Variants in OR11G2 observed in about 807,000 individuals in gnomAD.
OR11G2 encodes olfactory receptor 11G2.
Under a neutral mutation model 0.9 loss-of-function variants are expected in OR11G2, and 2 were observed. The observed-to-expected ratio is 2.35, with a 90% CI of 0.96 to 7.38. OR11G2 has a LOEUF of 7.38. OR11G2 is among the 30% of genes most tolerant of loss of function. OR11G2 has a pLI of 0.05. For missense variants in OR11G2, 395 were observed against 371.3 expected (o/e 1.06, Z -0.52); for synonymous variants, 153 against 142.0 (o/e 1.08, Z -0.55).
intron 1 of OR11G2, among the ~76,000 whole-genome samples, chr14:20,191,889 G>A (rs1200129940): frequency 2.1e-5 from 2 of 96,124 alleles, no homozygotes; most frequent in South Asian, 3.9e-4. Context: ...TACCCAACTG[G>A]CATTTTTTTT....
Position 20,197,405 on chromosome 14 carries a change from G to A in OR11G2, c.-4-29G>A, listed in dbSNP as rs1156764016. On this transcript the variant is annotated intron_variant, in intron 1 of 1. Transcript: ENST00000641879. ...CCATCTATGTTTGCACCGTCATTCA[G>A]TAATTGCTGGTGCTTTTACAATTCA... 2.0e-5 allele frequency: 32 copies of A among 1,611,688 alleles called. 1 individual carries two copies. In the East Asian group the frequency reaches 7.1e-4, roughly 36 times the overall value.
intron 1 of OR11G2, among the ~76,000 whole-genome samples, chr14:20,193,223 A>C (rs906164985): frequency 1.3e-5 from 2 of 152,154 alleles, no homozygotes; most frequent in African/African-American, 4.8e-5. Flanking sequence ...GTTCAGGCAA[A>C]TTCTTGTGCC....
chr14:20,192,581 G>A (rs117334896), intron 1 of OR11G2, among the ~76,000 whole-genome samples: 2,799 of 152,240 alleles, frequency 0.018, 28 homozygotes, highest in Middle Eastern at 0.027. Context: ...TCAAGTCTAG[G>A]ACAACACTCT....
rs1248948802 is a variant in OR11G2, at chr14:20,200,916, T to G, written c.*2543T>G. ...AATAGCAGAGTGTATTGTAGCTGCC[T>G]TCCATGGAAATGTGTATATCTCCTG... On this transcript the variant is annotated 3_prime_UTR_variant, in exon 2 of 2. Coordinates refer to ENST00000641879, the MANE Select transcript of OR11G2 (RefSeq NM_001386033.1). 1 of 152,196 alleles carries G rather than the reference T, an allele frequency of 6.6e-6. No individual in the cohort carries two copies. The highest frequency in any genetic ancestry group is 1.5e-5 in the Non-Finnish European group (1 of 68,036). 9.4% of individuals were successfully genotyped at this position (152,196 alleles called of 1,614,324 possible).
intron 1 of OR11G2, 55 bp from the exon 2 acceptor site, chr14:20,197,379 C>T (rs148846869): frequency 0.04 from 63,638 of 1,587,094 alleles, 1,542 homozygotes; most frequent in South Asian, 0.049. Context: ...AATCTGATTC[C>T]CCATCTATGT....
chr14:20,198,510 C>CCT lies in OR11G2; in HGVS notation c.*137_*138insCT. 1.6e-6 allele frequency: 1 copy of CCT among 617,206 alleles called. No individual in the cohort carries two copies. Among genetic ancestry groups the CCT allele is most frequent in the Non-Finnish European group, 2.8e-6 (1 of 353,748 alleles). 38.2% of individuals were successfully genotyped at this position (617,206 alleles called of 1,614,324 possible). A position where few individuals can be genotyped will look rare whatever the true frequency, so the allele number is the denominator to read the frequency against. ...TTGGGAGCCCGAGGCGGGTGGATCACGAGGTCAGGAGATCAAGACCACCCT... is the reference window on the plus strand; with the variant it reads ...TTGGGAGCCCGAGGCGGGTGGATCACCTGAGGTCAGGAGATCAAGACCACCCT... On this transcript the variant is annotated 3_prime_UTR_variant, in exon 2 of 2. Transcript: ENST00000641879.
rs2139115218 is a variant in OR11G2 at position 20,198,145 on chromosome 14, TG to T, written c.711del (p.Arg238GlufsTer41). The T allele has an allele frequency of 6.2e-7, 1 of 1,614,176 alleles. No homozygotes were observed. Among genetic ancestry groups the T allele is most frequent in the South Asian group, 1.1e-5 (1 of 91,080 alleles). On this transcript the variant is annotated frameshift_variant, in exon 2 of 2. Transcript: ENST00000641879. LOFTEE classifies it high-confidence loss of function. ...CTGTGTTGAGGGTCCCTTCAGCAGC[TG>T]GGAGAAGAAAGGCTTTCTCCACCTG... ...RAVLRVPSAA[G>X]RRKAFSTCGS...
chr14:20,197,095 C>A (rs1235406948), intron 1 of OR11G2, among the ~76,000 whole-genome samples: 1 of 152,146 alleles, frequency 6.6e-6, no homozygotes, highest in Non-Finnish European at 1.5e-5. Context: ...TATATTTATA[C>A]AAAGGCTCTT....
chr14:20,193,886 G>A (rs1021109184), intron 1 of OR11G2, among the ~76,000 whole-genome samples: 15 of 152,176 alleles, frequency 9.9e-5, no homozygotes, highest in South Asian at 2.1e-4. Flanking sequence ...TAGTCCAAAC[G>A]TGCACACCCC....
rs2139114937 is a variant in OR11G2, at chr14:20,198,089, A to G, written c.652A>G (p.Ile218Val). 1 of 1,613,772 alleles carries G rather than the reference A, an allele frequency of 6.2e-7. No individual in the cohort carries two copies. The highest frequency in any genetic ancestry group is 8.5e-7 in the Non-Finnish European group (1 of 1,179,956). The change falls in exon 2 of 2, where the codon ATT becomes GTT. Residue 218 changes from isoleucine (I) to valine (V), a missense_variant. Coordinates refer to ENST00000641879, the MANE Select transcript of OR11G2 (RefSeq NM_001386033.1). Reference sequence around the variant, plus strand: ...GCCTGTCTTTATGCTCTTTCTCTTCATTGTGGGGTCCTATGCTCTGGTCGT... The same window carrying G: ...GCCTGTCTTTATGCTCTTTCTCTTCGTTGTGGGGTCCTATGCTCTGGTCGT... ...PLPVFMLFLFIVGSYALVVRA... is the reference protein window; with the variant it reads ...PLPVFMLFLFVVGSYALVVRA...
chr14:20,198,115 G>C lies in OR11G2; in HGVS notation c.678G>C (p.Val226=), dbSNP rs2139115065. 1 of 1,614,126 alleles carries C rather than the reference G, an allele frequency of 6.2e-7. No homozygotes were observed. The highest frequency in any genetic ancestry group is 8.5e-7 in the Non-Finnish European group (1 of 1,180,036). ...LFIVGSYALV[V]RAVLRVPSAA... ...TTGTGGGGTCCTATGCTCTGGTCGTGAGAGCTGTGTTGAGGGTCCCTTCAG... is the reference window on the plus strand; with the variant it reads ...TTGTGGGGTCCTATGCTCTGGTCGTCAGAGCTGTGTTGAGGGTCCCTTCAG... The change falls in exon 2 of 2, where the codon GTG becomes GTC. Residue 226 remains valine, a synonymous_variant. Coordinates refer to ENST00000641879, the MANE Select transcript of OR11G2 (RefSeq NM_001386033.1).
Position 20,201,022 on chromosome 14 carries a change from A to C in OR11G2, c.*2649A>C, listed in dbSNP as rs898810068. Reference sequence around the variant, plus strand: ...TCTAAGGAACAAGATAGTAAAGGAGACTTTTTTTTCATAACTCCTTTTGTG... The same window carrying C: ...TCTAAGGAACAAGATAGTAAAGGAGCCTTTTTTTTCATAACTCCTTTTGTG... On this transcript the variant is annotated 3_prime_UTR_variant, in exon 2 of 2. Coordinates refer to ENST00000641879, the MANE Select transcript of OR11G2 (RefSeq NM_001386033.1). 3.3e-5 allele frequency: 5 copies of C among 151,828 alleles called. No individual in the cohort carries two copies. Among genetic ancestry groups the C allele is most frequent in the Admixed American group, 1.3e-4 (2 of 15,236 alleles). 9.4% of individuals were successfully genotyped at this position (151,828 alleles called of 1,614,324 possible). A position where few individuals can be genotyped will look rare whatever the true frequency, so the allele number is the denominator to read the frequency against.
rs1382605368 is a variant in OR11G2 at position 20,197,530 on chromosome 14, C to T, written c.93C>T (p.Leu31=). The part of the protein sequence containing the change: ...FPCPREGQIL[L]FVLFTVVYLL... ...GCCCCAGGGAGGGGCAGATCCTCCT[C>T]TTTGTGCTCTTCACTGTTGTTTACC... is the stretch of plus-strand genomic sequence containing the variant. The change falls in exon 2 of 2, where the codon CTC becomes CTT. Residue 31 remains leucine (L), a synonymous_variant. Transcript: ENST00000641879. 1 of 1,614,022 alleles carries T rather than the reference C, an allele frequency of 6.2e-7. No homozygotes were observed. Among genetic ancestry groups the T allele is most frequent in the Non-Finnish European group, 8.5e-7 (1 of 1,180,010 alleles).
At position 20,199,916 on chromosome 14, in the gene OR11G2, A is replaced by G. The variant is rs1254569196; in HGVS notation, c.*1543A>G. ...TGGTAAAATAAATGATAAAATCAGG[A>G]CCACAGATTTTGGCCTTTTTTTAAT... On this transcript the variant is annotated 3_prime_UTR_variant, in exon 2 of 2. Transcript: ENST00000641879. 1 of 152,106 alleles carries G rather than the reference A, an allele frequency of 6.6e-6. No homozygotes were observed. Among genetic ancestry groups the G allele is most frequent in the Non-Finnish European group, 1.5e-5 (1 of 68,020 alleles). The allele number at this position is 152,106 out of a possible 1,614,324, so 9.4% of individuals were successfully genotyped here. A position where few individuals can be genotyped will look rare whatever the true frequency, so the allele number is the denominator to read the frequency against.
intron 1 of OR11G2, among the ~76,000 whole-genome samples, chr14:20,192,336 C>T (rs1879670497): frequency 1.3e-5 from 2 of 152,176 alleles, no homozygotes; most frequent in Admixed American, 6.5e-5. Context: ...TAATCCAACT[C>T]CCATTTCATA....
intron 1 of OR11G2, among the ~76,000 whole-genome samples, chr14:20,193,507 G>A (rs989624795): frequency 9.2e-5 from 14 of 152,348 alleles, no homozygotes; most frequent in South Asian, 4.1e-4. Context: ...GTGTACAGTA[G>A]GGGTTAGCAA....
intron 1 of OR11G2, 143 bp from the exon 2 acceptor site, chr14:20,197,291 T>C: frequency 9.4e-7 from 1 of 1,059,108 alleles, no homozygotes; most frequent in Non-Finnish European, 1.4e-6. Context: ...TTGACATATC[T>C]GCATTCTGTT....
At chr14:20,196,849 G>C (rs1009231058) in intron 1 of OR11G2, among the ~76,000 whole-genome samples, 3 of 152,168 alleles carry the variant, frequency 2.0e-5, no homozygotes, top group African/African-American at 7.2e-5. Flanking sequence ...TGATTTGACT[G>C]TGTTACTCAT....
Position 20,197,917 on chromosome 14 carries a change from C to T in OR11G2, c.480C>T (p.Phe160=). ...VNCWVLGFIW[F]LIPIVNISQM... ...GCTGGGTACTTGGTTTCATCTGGTTCTTGATTCCTATCGTCAACATCTCCC... is the reference window on the plus strand; with the variant it reads ...GCTGGGTACTTGGTTTCATCTGGTTTTTGATTCCTATCGTCAACATCTCCC... The change falls in exon 2 of 2, where the codon TTC becomes TTT. Residue 160 remains phenylalanine (F), a synonymous_variant. Transcript: ENST00000641879. The T allele has an allele frequency of 6.2e-7, 1 of 1,614,066 alleles. No homozygotes were observed. Among genetic ancestry groups the T allele is most frequent in the Non-Finnish European group, 8.5e-7 (1 of 1,179,946 alleles).
Sources: allele counts gnomAD v4.1 joint callset (sites outside exome capture counted in the v4.1 genomes callset), GRCh38; gene constraint gnomAD v4.1.1; transcripts MANE v1.5; gene names NCBI Gene and HGNC (gene_info 2026-07-23, HGNC 2026-07-21).